The following CDK14 variants were observed in gnomAD, a reference collection of about 807,000 sequenced individuals.
CDK14 encodes cyclin dependent kinase 14.
In CDK14, 34 loss-of-function variants were observed where a neutral mutation model predicts 60.7. The observed-to-expected ratio is 0.56, with a 90% CI of 0.43 to 0.75. The LOEUF is 0.75. CDK14 is among the 30% of genes least tolerant of loss of function. CDK14 has a pLI of 0.00. For missense variants in CDK14, 482 were observed against 564.1 expected (o/e 0.85, Z 1.47); for synonymous variants, 197 against 203.7 (o/e 0.97, Z 0.28).
intron 11 of CDK14, among the ~76,000 whole-genome samples, chr7:91,049,621 C>T (rs1056849019): frequency 6.6e-6 from 1 of 152,114 alleles, no homozygotes; most frequent in Non-Finnish European, 1.5e-5. Context: ...AAATGTATTG[C>T]TTTATGGCTA....
At chr7:91,038,471 A>G (rs1422713264) in intron 10 of CDK14, among the ~76,000 whole-genome samples, 1 of 152,222 alleles carries the variant, frequency 6.6e-6, no homozygotes, top group East Asian at 1.9e-4. Flanking sequence ...TAAAGTTTCA[A>G]CTGTGACAAT....
intron 2 of CDK14, among the ~76,000 whole-genome samples, chr7:90,708,694 A>G (rs569614644): frequency 1.3e-5 from 2 of 152,316 alleles, no homozygotes; most frequent in African/African-American, 4.8e-5. Flanking sequence ...TCATCATTGT[A>G]TACCCTAGTT....
At chr7:90,841,911 T>TG (rs1427687017) in intron 5 of CDK14, among the ~76,000 whole-genome samples, 1 of 152,028 alleles carries the variant, frequency 6.6e-6, no homozygotes. Context: ...ACACTGAAGA[T>TG]GAGGAAGCAG....
chr7:90,954,476 T>C (rs1450967345), intron 8 of CDK14, among the ~76,000 whole-genome samples: 4 of 152,104 alleles, frequency 2.6e-5, no homozygotes, highest in Admixed American at 2.6e-4. Context: ...TCTATAGATT[T>C]TGTGATTTTT....
At chr7:90,938,403 C>A (rs960073959) in intron 8 of CDK14, among the ~76,000 whole-genome samples, 5 of 152,176 alleles carry the variant, frequency 3.3e-5, no homozygotes, top group Admixed American at 6.5e-5. Flanking sequence ...TGTGGCCTTT[C>A]TCACAGGCAT....
At chr7:91,145,618 TG>T (rs1317206418) in intron 14 of CDK14, among the ~76,000 whole-genome samples, 2 of 152,202 alleles carry the variant, frequency 1.3e-5, no homozygotes, top group African/African-American at 4.8e-5. Flanking sequence ...ATGGAGGAAA[TG>T]GAAGAAATGG....
chr7:91,126,757 G>C (rs969718449), intron 14 of CDK14, among the ~76,000 whole-genome samples: 6 of 152,136 alleles, frequency 3.9e-5, no homozygotes, highest in Non-Finnish European at 7.4e-5. Flanking sequence ...AGCTGCCTCA[G>C]AGACTTAAAG....
In CDK14 at chr7:90,711,359, C is replaced by CT. The variant is rs199696056; in HGVS notation, c.124-15199dup. ...CCAAAGATAGATCAAATTTACCTCT[C>CT]TTTTTTTTTAAACTTTTTTTTTCTG... is the stretch of plus-strand genomic sequence containing the variant. On this transcript the variant is annotated intron_variant, in intron 2 of 14. Transcript: ENST00000380050. Among the ~76,000 whole-genome samples, 59 of 150,514 alleles carry CT rather than the reference C, an allele frequency of 3.9e-4. 1 individual carries two copies. In the East Asian group the frequency reaches 0.011, roughly 27 times the overall value.
At chr7:90,677,047 T>C (rs946989343) in intron 2 of CDK14, among the ~76,000 whole-genome samples, 1 of 152,182 alleles carries the variant, frequency 6.6e-6, no homozygotes, top group Non-Finnish European at 1.5e-5. Context: ...AACTTTGACA[T>C]AGACCATTTT....
At chr7:91,151,340 C>T (rs1481988121) in intron 14 of CDK14, among the ~76,000 whole-genome samples, 1 of 152,136 alleles carries the variant, frequency 6.6e-6, no homozygotes, top group Non-Finnish European at 1.5e-5. Context: ...ACAGAATAGA[C>T]CTATTAAAAG....
chr7:91,205,255 A>G (rs115782163), intron 14 of CDK14, among the ~76,000 whole-genome samples: 1,918 of 152,332 alleles, frequency 0.013, 52 homozygotes, highest in African/African-American at 0.043. Context: ...GAGCAGCACT[A>G]TTCACTATTA....
intron 12 of CDK14, among the ~76,000 whole-genome samples, chr7:91,101,897 A>G (rs989001999): frequency 6.6e-6 from 1 of 152,234 alleles, no homozygotes; most frequent in Admixed American, 6.5e-5. Flanking sequence ...TGTTATGACC[A>G]TAGTACTCCC....
intron 8 of CDK14, among the ~76,000 whole-genome samples, chr7:90,936,091 T>A (rs1335467980): frequency 6.6e-6 from 1 of 152,116 alleles, no homozygotes; most frequent in African/African-American, 2.4e-5. Context: ...CATTGCTATC[T>A]TCTTTCTCTA....
At chr7:91,012,248 C>T (rs1796182821) in intron 10 of CDK14, among the ~76,000 whole-genome samples, 1 of 152,190 alleles carries the variant, frequency 6.6e-6, no homozygotes, top group African/African-American at 2.4e-5. Context: ...ATTTCCTACT[C>T]TGGCCATGGG....
chr7:90,928,137 A>G (rs1793478003), intron 8 of CDK14, among the ~76,000 whole-genome samples: 1 of 152,102 alleles, frequency 6.6e-6, no homozygotes, highest in South Asian at 2.1e-4. Context: ...CAAGGTTTTT[A>G]GCTTCTTTGC....
At chr7:90,690,631 C>T (rs1801534445) in intron 2 of CDK14, among the ~76,000 whole-genome samples, 1 of 152,052 alleles carries the variant, frequency 6.6e-6, no homozygotes, top group Non-Finnish European at 1.5e-5. Context: ...TAACAGTATT[C>T]AGTATAATAG....
chr7:91,156,127 T>A (rs1431929067), intron 14 of CDK14, among the ~76,000 whole-genome samples: 1 of 152,224 alleles, frequency 6.6e-6, no homozygotes, highest in Non-Finnish European at 1.5e-5. Flanking sequence ...TTGTCTGGAA[T>A]AGGCCGCCAG....
intron 14 of CDK14, among the ~76,000 whole-genome samples, chr7:91,156,732 A>G (rs1028554893): frequency 6.6e-6 from 1 of 152,206 alleles, no homozygotes; most frequent in African/African-American, 2.4e-5. Context: ...ATGAAAAGCC[A>G]TATGGTTTCA....
chr7:91,101,169 A>G (rs1430878684), intron 12 of CDK14, among the ~76,000 whole-genome samples: 1 of 152,248 alleles, frequency 6.6e-6, no homozygotes. Context: ...TGTGTTCTTA[A>G]GGAAAACTTT....
Sources: gnomAD v4.1 joint callset for allele counts (sites outside exome capture counted in the v4.1 genomes callset) on GRCh38, gnomAD v4.1.1 for gene constraint, MANE v1.5 for transcripts, NCBI Gene and HGNC (gene_info 2026-07-23, HGNC 2026-07-21) for gene names.